The following RARB variants were observed in gnomAD, a reference collection of about 807,000 sequenced individuals.
The protein encoded by RARB is HBV-activated protein.
A neutral mutation model predicts 51.9 loss-of-function variants in RARB; 17 were observed. That is an observed-to-expected ratio of 0.33 (90% CI 0.22 to 0.49). RARB has a LOEUF of 0.49. RARB is among the 20% of genes least tolerant of loss of function. RARB has a pLI of 0.99. For synonymous variants in RARB, 215 were observed against 195.4 expected, an observed-to-expected ratio of 1.10 and a Z score of -0.84; for missense variants, 369 against 550.8, an observed-to-expected ratio of 0.67 and a Z score of 3.30.
At chr3:25,198,381 A>G (rs1701299286) in intron 5 of RARB, among the ~76,000 whole-genome samples, 1 of 152,108 alleles carries the variant, frequency 6.6e-6, no homozygotes, top group Non-Finnish European at 1.5e-5. Context: ...ATCTTGAGCA[A>G]TACCCTACAA....
chr3:25,461,054 G>T, intron 1 of RARB, 139 bp from the exon 2 acceptor site: 1 of 963,616 alleles, frequency 1.0e-6, no homozygotes, highest in South Asian at 1.8e-5. Flanking sequence ...GGCCTACAAT[G>T]ACAGCTGTTT....
At chr3:24,935,522 T>A (rs1243396121) in intron 2 of RARB, among the ~76,000 whole-genome samples, 1 of 152,184 alleles carries the variant, frequency 6.6e-6, no homozygotes, top group Non-Finnish European at 1.5e-5. Context: ...ACAGCAGAAG[T>A]GGGCTTAATT....
intron 3 of RARB, among the ~76,000 whole-genome samples, chr3:25,063,656 C>T (rs1476638235): frequency 1.3e-5 from 2 of 150,828 alleles, no homozygotes; most frequent in African/African-American, 4.9e-5. Context: ...AAGACTACCA[C>T]AGTCATAAAA....
chr3:25,352,897 G>T (rs1465050918), intron 5 of RARB, among the ~76,000 whole-genome samples: 1 of 152,118 alleles, frequency 6.6e-6, no homozygotes, highest in Non-Finnish European at 1.5e-5. Flanking sequence ...ACTGTCCTTG[G>T]ACATTCACTT....
chr3:24,841,641 A>G (rs1702422887), intron 1 of RARB, among the ~76,000 whole-genome samples: 1 of 152,250 alleles, frequency 6.6e-6, no homozygotes, highest in Middle Eastern at 3.2e-3. Context: ...AATTCATTAC[A>G]TAATTCTAAT....
chr3:24,893,505 C>T (rs756645395), intron 2 of RARB, among the ~76,000 whole-genome samples: 2 of 152,140 alleles, frequency 1.3e-5, no homozygotes, highest in Non-Finnish European at 2.9e-5. Flanking sequence ...ATAAAAATGC[C>T]TGTATATGTA....
intron 5 of RARB, among the ~76,000 whole-genome samples, chr3:25,403,990 T>A (rs1575376056): frequency 1.3e-5 from 2 of 152,012 alleles, no homozygotes; most frequent in South Asian, 4.1e-4. Context: ...TCAGGATTTT[T>A]TTTTTCTGGA....
At chr3:25,156,526 A>C (rs1202768054) in intron 4 of RARB, among the ~76,000 whole-genome samples, 1 of 119,804 alleles carries the variant, frequency 8.3e-6, no homozygotes, top group African/African-American at 3.0e-5. Flanking sequence ...CAAAAAAAAA[A>C]AAAAAAAAAA....
At chr3:24,879,113 G>A (rs569214954) in intron 2 of RARB, among the ~76,000 whole-genome samples, 2 of 151,278 alleles carry the variant, frequency 1.3e-5, no homozygotes, top group African/African-American at 4.9e-5. Context: ...TTCATTTTTG[G>A]TAATCTTTAA....
At chr3:25,270,267 C>A (rs186541328) in intron 5 of RARB, among the ~76,000 whole-genome samples, 10 of 152,196 alleles carry the variant, frequency 6.6e-5, no homozygotes, top group Admixed American at 2.0e-4. Context: ...AAGCCAAATG[C>A]GGTCTGTATG....
chr3:25,132,061 T>C (rs1699961664), intron 3 of RARB, among the ~76,000 whole-genome samples: 1 of 151,872 alleles, frequency 6.6e-6, no homozygotes, highest in South Asian at 2.1e-4. Context: ...ATTTCTTTCT[T>C]GACACATCTT....
chr3:25,092,109 GC>G (rs1303368734), intron 3 of RARB, among the ~76,000 whole-genome samples: 3 of 152,138 alleles, frequency 2.0e-5, no homozygotes, highest in African/African-American at 7.2e-5. Context: ...AGAAACAAGT[GC>G]TTTTACAGCC....
At chr3:25,379,560 A>G (rs1706564778) in intron 5 of RARB, among the ~76,000 whole-genome samples, 1 of 152,220 alleles carries the variant, frequency 6.6e-6, no homozygotes, top group Non-Finnish European at 1.5e-5. Context: ...ATCAAACACT[A>G]CACACATATA....
intron 2 of RARB, among the ~76,000 whole-genome samples, chr3:24,886,725 C>T (rs1015505569): frequency 2.0e-5 from 3 of 152,056 alleles, no homozygotes; most frequent in Non-Finnish European, 2.9e-5. Context: ...CATGACCCAC[C>T]GCGCCTAACC....
chr3:25,079,229 A>G (rs911087992), intron 3 of RARB, among the ~76,000 whole-genome samples: 2 of 152,146 alleles, frequency 1.3e-5, no homozygotes, highest in African/African-American at 2.4e-5. Context: ...TATTAATTGT[A>G]TCCTTCTACC....
At chr3:24,952,786 A>G (rs1695925626) in intron 2 of RARB, among the ~76,000 whole-genome samples, 1 of 151,902 alleles carries the variant, frequency 6.6e-6, no homozygotes, top group South Asian at 2.1e-4. Flanking sequence ...CATCAAACCC[A>G]ATCCTCAATT....
At chr3:25,311,405 A>G (rs1326215834) in intron 5 of RARB, among the ~76,000 whole-genome samples, 1 of 152,240 alleles carries the variant, frequency 6.6e-6, no homozygotes, top group Non-Finnish European at 1.5e-5. Context: ...GTCGGTACTA[A>G]AGGATATCTT....
chr3:24,853,766 T>C (rs972552215), intron 1 of RARB, among the ~76,000 whole-genome samples: 10 of 152,218 alleles, frequency 6.6e-5, no homozygotes, highest in South Asian at 4.1e-4. Context: ...GTTTGAATTA[T>C]GGAGATCAAC....
chr3:25,556,555 C>A (rs570362173), intron 3 of RARB, among the ~76,000 whole-genome samples: 9 of 152,226 alleles, frequency 5.9e-5, no homozygotes, highest in African/African-American at 1.7e-4. Flanking sequence ...CCATATATAG[C>A]TTTGGAATTA....
Sources: gnomAD v4.1 joint callset for allele counts (sites outside exome capture counted in the v4.1 genomes callset) on GRCh38, gnomAD v4.1.1 for gene constraint, MANE v1.5 for transcripts, NCBI Gene and HGNC (gene_info 2026-07-23, HGNC 2026-07-21) for gene names.